ULK4: variants seen among roughly 807,000 people sequenced by gnomAD.
ULK4 encodes inactive serine/threonine-protein kinase ULK4.
In ULK4, 133 loss-of-function variants were observed where a neutral mutation model predicts 160.6. The observed-to-expected ratio is 0.83, with a 90% CI of 0.72 to 0.96. The LOEUF (loss-of-function observed/expected upper bound fraction) is 0.96, where lower values mean the gene tolerates loss of function less well. Among genes scored for constraint, ULK4 ranks in the 40% least tolerant of loss-of-function variants. The pLI is 0.00. For synonymous variants in ULK4, 534 were observed against 539.8 expected, an observed-to-expected ratio of 0.99 and a Z score of 0.15; for missense variants, 1,580 against 1,499.5, an observed-to-expected ratio of 1.05 and a Z score of -0.89.
At chr3:41,768,890 T>C (rs2039258157) in intron 21 of ULK4, among the ~76,000 whole-genome samples, 1 of 152,204 alleles carries the variant, frequency 6.6e-6, no homozygotes, top group South Asian at 2.1e-4. Context: ...TATGTTACTG[T>C]ATTTCTTCTT....
chr3:41,396,425 C>T (rs2082063661), intron 35 of ULK4, among the ~76,000 whole-genome samples: 1 of 152,102 alleles, frequency 6.6e-6, no homozygotes, highest in South Asian at 2.1e-4. Flanking sequence ...ATTTTCCAAG[C>T]TTCTGACATT....
At chr3:41,630,675 C>T (rs1033555435) in intron 30 of ULK4, among the ~76,000 whole-genome samples, 1 of 152,334 alleles carries the variant, frequency 6.6e-6, no homozygotes, top group East Asian at 1.9e-4. Flanking sequence ...TATAGATACA[C>T]CAGTGGCTGG....
chr3:41,781,868 G>C (rs1283919834), intron 21 of ULK4, among the ~76,000 whole-genome samples: 2 of 152,130 alleles, frequency 1.3e-5, no homozygotes, highest in African/African-American at 4.8e-5. Context: ...GAACCCGGGA[G>C]GCGGAGGTTG....
At chr3:41,553,098 C>T (rs2087137945) in intron 32 of ULK4, among the ~76,000 whole-genome samples, 1 of 151,920 alleles carries the variant, frequency 6.6e-6, no homozygotes, top group Admixed American at 6.6e-5. Context: ...ATACAAAAAT[C>T]AACTCAGGAT....
At chr3:41,475,716 A>T (rs2084120465) in intron 32 of ULK4, among the ~76,000 whole-genome samples, 2 of 152,184 alleles carry the variant, frequency 1.3e-5, no homozygotes, top group Admixed American at 1.3e-4. Context: ...GGCCACTGAT[A>T]ACTATCATTA....
intron 35 of ULK4, among the ~76,000 whole-genome samples, chr3:41,348,188 A>G (rs929222394): frequency 6.7e-6 from 1 of 148,632 alleles, no homozygotes; most frequent in Admixed American, 6.7e-5. Context: ...CAGCCTAGGC[A>G]AAAAAGTAAC....
At chr3:41,379,407 G>A (rs746814640) in intron 35 of ULK4, among the ~76,000 whole-genome samples, 3 of 152,070 alleles carry the variant, frequency 2.0e-5, no homozygotes, top group Non-Finnish European at 4.4e-5. Context: ...GCTTTCAACT[G>A]AAAAAGGAAA....
At chr3:41,956,368 T>C (rs1375120023) in intron 1 of ULK4, among the ~76,000 whole-genome samples, 1 of 152,204 alleles carries the variant, frequency 6.6e-6, no homozygotes, top group African/African-American at 2.4e-5. Flanking sequence ...CCTCCAGTGC[T>C]GCTCAGGTGG....
At chr3:41,940,904 G>A (rs1699932466) in intron 2 of ULK4, among the ~76,000 whole-genome samples, 3 of 152,024 alleles carry the variant, frequency 2.0e-5, no homozygotes, top group Non-Finnish European at 4.4e-5. Flanking sequence ...TTGTTTCGGA[G>A]GTTTTGCTTT....
At chr3:41,883,839 G>T in intron 17 of ULK4, 35 bp downstream of exon 17, 1 of 1,521,052 alleles carries the variant, frequency 6.6e-7, no homozygotes, top group Non-Finnish European at 9.1e-7. Context: ...AGTATTTCTT[G>T]ACATTCATCA....
At chr3:41,556,088 A>G (rs982779006) in intron 32 of ULK4, among the ~76,000 whole-genome samples, 21 of 152,180 alleles carry the variant, frequency 1.4e-4, no homozygotes, top group African/African-American at 5.1e-4. Flanking sequence ...TAGGCTTAAT[A>G]CCTGGCTGAT....
At chr3:41,483,849 C>T (rs971517692) in intron 32 of ULK4, among the ~76,000 whole-genome samples, 7 of 152,174 alleles carry the variant, frequency 4.6e-5, no homozygotes, top group African/African-American at 7.2e-5. Context: ...CTGAATACTA[C>T]AAGACGTATG....
At chr3:41,424,641 G>A (rs970436211) in intron 34 of ULK4, among the ~76,000 whole-genome samples, 2 of 152,164 alleles carry the variant, frequency 1.3e-5, no homozygotes, top group African/African-American at 4.8e-5. Flanking sequence ...AGGCAAATAG[G>A]GTCTGGAGTG....
chr3:41,293,767 TA>T (rs1288070006), intron 35 of ULK4, among the ~76,000 whole-genome samples: 1 of 152,208 alleles, frequency 6.6e-6, no homozygotes, highest in African/African-American at 2.4e-5. Flanking sequence ...TGGCATACAG[TA>T]ACTTGTTATC....
chr3:41,388,646 T>G (rs1372317795), intron 35 of ULK4, among the ~76,000 whole-genome samples: 62 of 152,080 alleles, frequency 4.1e-4, no homozygotes, highest in Admixed American at 1.5e-3. Context: ...TTTCCCCATT[T>G]CTTGTTTTTG....
At chr3:41,343,546 C>T (rs755935450) in intron 35 of ULK4, among the ~76,000 whole-genome samples, 22 of 152,030 alleles carry the variant, frequency 1.4e-4, no homozygotes, top group South Asian at 2.1e-4. Context: ...TCAGGCAATC[C>T]GCCTGCCTTG....
intron 32 of ULK4, among the ~76,000 whole-genome samples, chr3:41,536,941 C>A (rs1365954209): frequency 6.6e-6 from 1 of 152,098 alleles, no homozygotes; most frequent in African/African-American, 2.4e-5. Flanking sequence ...TTTCAGTGCC[C>A]ATATAAAAAT....
intron 31 of ULK4, among the ~76,000 whole-genome samples, chr3:41,577,255 G>A (rs1295496027): frequency 6.6e-6 from 1 of 152,186 alleles, no homozygotes; most frequent in African/African-American, 2.4e-5. Flanking sequence ...CAGCTGGAAA[G>A]CCTAAAGCAA....
intron 32 of ULK4, among the ~76,000 whole-genome samples, chr3:41,465,370 G>A (rs1010431826): frequency 6.6e-6 from 1 of 152,062 alleles, no homozygotes; most frequent in African/African-American, 2.4e-5. Flanking sequence ...TATTTCTCCT[G>A]TAAATACTTC....
Sources: allele counts gnomAD v4.1 joint callset (sites outside exome capture counted in the v4.1 genomes callset), GRCh38; gene constraint gnomAD v4.1.1; transcripts MANE v1.5; gene names NCBI Gene and HGNC (gene_info 2026-07-23, HGNC 2026-07-21).